Variants in FBXW7 observed in about 807,000 individuals in gnomAD.
FBXW7 encodes the protein F-box/WD repeat-containing protein 7.
FBXW7 carries 11 observed loss-of-function variants against 86.3 expected under a neutral mutation model. That is an observed-to-expected ratio of 0.13 (90% CI 0.08 to 0.21). The LOEUF (loss-of-function observed/expected upper bound fraction) is 0.21, where lower values mean the gene tolerates loss of function less well. Among genes scored for constraint, FBXW7 ranks in the 10% least tolerant of loss-of-function variants. FBXW7 has a pLI of 1.00. For synonymous variants in FBXW7, 313 were observed against 297.9 expected (o/e 1.05, Z -0.52); for missense variants, 488 against 847.4 (o/e 0.58, Z 5.27).
intron 8 of FBXW7, among the ~76,000 whole-genome samples, 158 bp from the exon 9 acceptor site, chr4:152,331,026 G>A (rs1316165821): frequency 6.6e-6 from 1 of 152,012 alleles, no homozygotes; most frequent in Non-Finnish European, 1.5e-5. Flanking sequence ...ATCACAGTAT[G>A]TAGCAATAAT....
In FBXW7 at chr4:152,321,910, T is replaced by C; in HGVS notation, c.*971A>G. 4.3e-6 allele frequency: 1 copy of C among 232,848 alleles called. No homozygotes were observed. The highest frequency in any genetic ancestry group is 6.1e-5 in the East Asian group (1 of 16,490). The allele number at this position is 232,848 out of a possible 1,614,324, so 14.4% of individuals were successfully genotyped here. On this transcript the variant is annotated 3_prime_UTR_variant, in exon 14 of 14. Coordinates refer to ENST00000281708, the MANE Select transcript of FBXW7 (RefSeq NM_001349798.2). ...ACTTGCAGGCAAACTTCACTCTTTA[T>C]TATCTGAAACTCTTCCATTCTCAGC...
chr4:152,351,616 A>G (rs1731827146), intron 4 of FBXW7, among the ~76,000 whole-genome samples: 1 of 152,178 alleles, frequency 6.6e-6, no homozygotes, highest in African/African-American at 2.4e-5. Context: ...ATATATAAAC[A>G]TACATGCAAA....
In FBXW7 at chr4:152,347,088, A is replaced by AG. The variant is rs78770465; in HGVS notation, c.585-18_585-17insC. ...CCAGTGGTACTACAAAAAAAAAAAA[A>AG]AGAGAGAGAGAAAGGATAAAAGGAA... On this transcript the variant is annotated splice_polypyrimidine_tract_variant and intron_variant, in intron 5 of 13. Transcript: ENST00000281708. The AG allele has an allele frequency of 1.6e-4, 245 of 1,557,968 alleles. No individual in the cohort carries two copies. The highest frequency in any genetic ancestry group is 8.5e-4 in the Admixed American group (43 of 50,506).
intron 11 of FBXW7, among the ~76,000 whole-genome samples, chr4:152,326,492 G>C (rs1371719535): frequency 6.6e-6 from 1 of 151,832 alleles, no homozygotes; most frequent in Non-Finnish European, 1.5e-5. Context: ...AGCACCTTAA[G>C]GTTCTGTGGG....
intron 2 of FBXW7, among the ~76,000 whole-genome samples, chr4:152,485,302 A>G (rs1203524450): frequency 6.6e-6 from 1 of 152,118 alleles, no homozygotes; most frequent in Non-Finnish European, 1.5e-5. Context: ...TGAAAAATAT[A>G]ATTAAAATAA....
intron 2 of FBXW7, among the ~76,000 whole-genome samples, chr4:152,446,780 T>C (rs1741441472): frequency 1.3e-5 from 2 of 152,348 alleles, no homozygotes; most frequent in African/African-American, 4.8e-5. Flanking sequence ...AAAGAAGCTG[T>C]CATAGACGGC....
intron 7 of FBXW7, among the ~76,000 whole-genome samples, chr4:152,333,287 A>G (rs1302989732): frequency 6.6e-6 from 1 of 152,170 alleles, no homozygotes; most frequent in Non-Finnish European, 1.5e-5. Flanking sequence ...CATTCCATAG[A>G]CATATAAAAG....
intron 6 of FBXW7, 173 bp from the exon 7 acceptor site, chr4:152,338,109 T>G: frequency 2.4e-6 from 1 of 416,566 alleles, no homozygotes. Flanking sequence ...GCATTTAATT[T>G]CATCACTTAC....
At chr4:152,412,583 G>GAAAGCAA (rs1303376274) in intron 2 of FBXW7, 54 bp from the exon 3 acceptor site, 3 of 151,304 alleles carry the variant, frequency 2.0e-5, no homozygotes, top group Non-Finnish European at 4.4e-5. Context: ...GTTTATCCAC[G>GAAAGCAA]AAAGCAAAAA....
chr4:152,382,577 T>C, intron 4 of FBXW7: 1 of 856,458 alleles, frequency 1.2e-6, no homozygotes. Context: ...AAGTGAAAGC[T>C]CCTGCTCCTG....
intron 2 of FBXW7, among the ~76,000 whole-genome samples, chr4:152,484,242 C>A (rs369634069): frequency 1.3e-5 from 2 of 152,152 alleles, no homozygotes; most frequent in South Asian, 2.1e-4. Context: ...AAATTTCTAA[C>A]AACTATGTAT....
intron 4 of FBXW7, 78 bp downstream of exon 4, chr4:152,411,225 G>T: frequency 6.9e-7 from 1 of 1,443,264 alleles, no homozygotes; most frequent in Non-Finnish European, 9.2e-7. Flanking sequence ...GTAATACAAA[G>T]ACTGTGAGGA....
intron 4 of FBXW7, among the ~76,000 whole-genome samples, chr4:152,368,942 T>C (rs937588943): frequency 6.6e-6 from 1 of 152,094 alleles, no homozygotes; most frequent in Non-Finnish European, 1.5e-5. Context: ...TGAATCTACA[T>C]AATGTAAGTA....
intron 2 of FBXW7, among the ~76,000 whole-genome samples, chr4:152,437,069 T>A (rs982951315): frequency 6.6e-6 from 1 of 152,218 alleles, no homozygotes; most frequent in African/African-American, 2.4e-5. Flanking sequence ...TATATATACA[T>A]AGTGAATCCT....
chr4:152,432,488 A>G (rs959634200), intron 2 of FBXW7, among the ~76,000 whole-genome samples: 1 of 152,322 alleles, frequency 6.6e-6, no homozygotes, highest in East Asian at 1.9e-4. Flanking sequence ...ATATATATCT[A>G]TATATACAAC....
chr4:152,322,849 A>G lies in FBXW7; in HGVS notation c.*32T>C. On this transcript the variant is annotated 3_prime_UTR_variant, in exon 14 of 14. Transcript: ENST00000281708. ...GGGAAGGGCAGGGAGTATATCGTCT[A>G]CACAATTGGACAAATTCATCTTTTC... 2.5e-6 allele frequency: 4 copies of G among 1,611,324 alleles called. No homozygotes were observed. Among genetic ancestry groups the G allele is most frequent in the Non-Finnish European group, 3.4e-6 (4 of 1,177,990 alleles).
chr4:152,322,680 C>T lies in FBXW7; in HGVS notation c.*201G>A. The T allele has an allele frequency of 1.1e-6, 1 of 876,374 alleles. No individual in the cohort carries two copies. The highest frequency in any genetic ancestry group is 1.6e-6 in the Non-Finnish European group (1 of 611,018). 54.3% of individuals were successfully genotyped at this position (876,374 alleles called of 1,614,324 possible). On this transcript the variant is annotated 3_prime_UTR_variant, in exon 14 of 14. Transcript: ENST00000281708. ...TTATGTGATGAGACAGCAGACGCCT[C>T]TCTTGTCAGTTATGGTTTGTCATCT...
At chr4:152,436,033 C>CT (rs1413227737) in intron 2 of FBXW7, among the ~76,000 whole-genome samples, 1 of 152,186 alleles carries the variant, frequency 6.6e-6, no homozygotes, top group East Asian at 1.9e-4. Flanking sequence ...TGTCCCTCTC[C>CT]TTAGGCCTCC....
chr4:152,418,150 C>T (rs1738617397), intron 2 of FBXW7, among the ~76,000 whole-genome samples: 1 of 151,860 alleles, frequency 6.6e-6, no homozygotes, highest in Admixed American at 6.6e-5. Flanking sequence ...CACACACACA[C>T]ACACACACAC....
Sources: gnomAD v4.1 joint callset for allele counts (sites outside exome capture counted in the v4.1 genomes callset) on GRCh38, gnomAD v4.1.1 for gene constraint, MANE v1.5 for transcripts, NCBI Gene and HGNC (gene_info 2026-07-23, HGNC 2026-07-21) for gene names.